ABCD3: variants seen among roughly 807,000 people sequenced by gnomAD.
ABCD3 encodes ATP binding cassette subfamily D member 3, also known as ATP-binding cassette sub-family D member 3.
ABCD3 carries 41 observed loss-of-function variants against 105.5 expected under a neutral mutation model. That is an observed-to-expected ratio of 0.39 (90% confidence interval 0.30 to 0.50). The LOEUF is 0.50. ABCD3 is among the 20% of genes least tolerant of loss of function. The pLI is 0.84. For synonymous variants in ABCD3, 258 were observed against 269.0 expected, an observed-to-expected ratio of 0.96 and a Z score of 0.40; for missense variants, 622 against 806.3, an observed-to-expected ratio of 0.77 and a Z score of 2.77.
chr1:94,433,469 ATTG>A (rs1262214052), intron 1 of ABCD3, among the ~76,000 whole-genome samples: 4 of 151,700 alleles, frequency 2.6e-5, no homozygotes, highest in Admixed American at 6.6e-5. Context: ...AGGCAATTTT[ATTG>A]TTGTGTGAAC....
the ABCD3 span, chr1:94,406,436 T>C: frequency 5.3e-6 from 2 of 380,046 alleles, no homozygotes; most frequent in South Asian, 5.0e-5. Flanking sequence ...GCAGCTCAGG[T>C]TCCTTTCCAG....
At chr1:94,516,630 A>G (rs1297442207) in intron 22 of ABCD3, among the ~76,000 whole-genome samples, 1 of 151,968 alleles carries the variant, frequency 6.6e-6, no homozygotes, top group Non-Finnish European at 1.5e-5. Context: ...AAATAGTAAT[A>G]CAGAAAATGG....
chr1:94,509,861 C>T (rs1650574050), intron 21 of ABCD3, among the ~76,000 whole-genome samples: 1 of 151,926 alleles, frequency 6.6e-6, no homozygotes. Context: ...TTTATTGTGT[C>T]TATTTGATTC....
At chr1:94,428,079 T>G (rs1039107512) in intron 1 of ABCD3, among the ~76,000 whole-genome samples, 6 of 152,152 alleles carry the variant, frequency 3.9e-5, no homozygotes, top group South Asian at 2.1e-4. Context: ...GTTTTGTTTT[T>G]TTTTTTATTT....
intron 5 of ABCD3, among the ~76,000 whole-genome samples, chr1:94,474,345 A>C (rs1410399562): frequency 6.6e-6 from 1 of 152,076 alleles, no homozygotes. Context: ...TTAAATTGGA[A>C]TTTATGGTCT....
In ABCD3 at chr1:94,489,744, G is replaced by A; in HGVS notation, c.1177G>A (p.Glu393Lys). ...TTTTAGTTTTACTGCTCGGATTACAGAATTAATGCAAGTACTGAAGGATTT... is the reference window on the plus strand; with the variant it reads ...TTTTAGTTTTACTGCTCGGATTACAAAATTAATGCAAGTACTGAAGGATTT... ...RLAGFTARIT[E>K]LMQVLKDLNH... is the part of the protein sequence containing the mutation. The change falls in exon 14 of 23, where the codon GAA becomes AAA. Residue 393 changes from glutamate to lysine, a missense_variant. Coordinates refer to ENST00000370214, the MANE Select transcript of ABCD3 (RefSeq NM_002858.4). The A allele has an allele frequency of 1.2e-6, 2 of 1,612,936 alleles. No individual in the cohort carries two copies. Among genetic ancestry groups the A allele is most frequent in the Non-Finnish European group, 1.7e-6 (2 of 1,179,282 alleles).
At chr1:94,499,708 C>A in intron 20 of ABCD3, 94 bp downstream of exon 20, 2 of 1,492,696 alleles carry the variant, frequency 1.3e-6, no homozygotes, top group Non-Finnish European at 1.9e-6. Context: ...TTTTTTTATT[C>A]AGCAGCTGTT....
At chr1:94,494,122 A>G (rs1649679535) in intron 16 of ABCD3, among the ~76,000 whole-genome samples, 2 of 152,216 alleles carry the variant, frequency 1.3e-5, no homozygotes, top group Admixed American at 1.3e-4. Flanking sequence ...AAGAACAATA[A>G]CTACCCTGTA....
chr1:94,417,831 T>C (rs138050138), upstream of ABCD3, among the ~76,000 whole-genome samples: 389 of 152,342 alleles, frequency 2.6e-3, 3 homozygotes, highest in African/African-American at 8.7e-3. Flanking sequence ...CGCTAGAGAT[T>C]ATAACCCGCG....
At chr1:94,457,540 T>G (rs1334992565) in intron 1 of ABCD3, among the ~76,000 whole-genome samples, 1 of 152,106 alleles carries the variant, frequency 6.6e-6, no homozygotes, top group African/African-American at 2.4e-5. Context: ...GTGAGAAATG[T>G]GAAATCCTGA....
At chr1:94,397,414 T>G in the ABCD3 span, among the ~76,000 whole-genome samples, 17 of 152,348 alleles carry the variant, frequency 1.1e-4, no homozygotes, top group African/African-American at 4.1e-4. Flanking sequence ...TTCTCAGTCT[T>G]TCCTTGTTGC....
intron 1 of ABCD3, among the ~76,000 whole-genome samples, chr1:94,429,466 G>T (rs1570735205): frequency 6.6e-6 from 1 of 152,168 alleles, no homozygotes; most frequent in African/African-American, 2.4e-5. Context: ...CACAGACCTG[G>T]AGGTTTAGGA....
chr1:94,391,348 G>A, the ABCD3 span, among the ~76,000 whole-genome samples: 323 of 152,238 alleles, frequency 2.1e-3, 2 homozygotes, highest in South Asian at 0.021. Context: ...GTAACATTTT[G>A]GTTGACTCTC....
At chr1:94,392,492 C>T in the ABCD3 span, among the ~76,000 whole-genome samples, 1 of 152,196 alleles carries the variant, frequency 6.6e-6, no homozygotes, top group African/African-American at 2.4e-5. Context: ...TCCTGTTAGA[C>T]ATTTTGCTTT....
At chr1:94,510,854 C>T (rs1024655167) in intron 21 of ABCD3, among the ~76,000 whole-genome samples, 3 of 152,088 alleles carry the variant, frequency 2.0e-5, no homozygotes, top group Admixed American at 6.6e-5. Flanking sequence ...GTAGATCTTC[C>T]TCCATCCTTT....
the ABCD3 span, among the ~76,000 whole-genome samples, chr1:94,411,892 C>T: frequency 6.6e-6 from 1 of 152,102 alleles, no homozygotes; most frequent in African/African-American, 2.4e-5. Flanking sequence ...AGAAGCCAGA[C>T]ATAAAAGGGC....
At chr1:94,400,352 C>T in the ABCD3 span, among the ~76,000 whole-genome samples, 16 of 150,742 alleles carry the variant, frequency 1.1e-4, no homozygotes, top group South Asian at 8.5e-4. Context: ...TGCAATGAGC[C>T]GAGATCGCGC....
the ABCD3 span, among the ~76,000 whole-genome samples, chr1:94,391,635 C>T: frequency 6.8e-4 from 103 of 152,198 alleles, no homozygotes; most frequent in Non-Finnish European, 1.1e-3. Flanking sequence ...TAGCACTGCA[C>T]TCCTCATTGC....
At chr1:94,511,298 T>C (rs1222022110) in intron 21 of ABCD3, among the ~76,000 whole-genome samples, 1 of 152,182 alleles carries the variant, frequency 6.6e-6, no homozygotes, top group Non-Finnish European at 1.5e-5. Context: ...ATTCTTTTCT[T>C]TAAGAATGTT....
Sources: allele counts gnomAD v4.1 joint callset (sites outside exome capture counted in the v4.1 genomes callset), GRCh38; gene constraint gnomAD v4.1.1; transcripts MANE v1.5; gene names NCBI Gene and HGNC (gene_info 2026-07-23, HGNC 2026-07-21).